The following B4GALNT3 variants were observed in gnomAD, a reference collection of about 807,000 sequenced individuals.
B4GALNT3 encodes beta-1,4-N-acetyl-galactosaminyltransferase 3.
In B4GALNT3, 86 loss-of-function variants were observed where a neutral mutation model predicts 120.2. The observed-to-expected ratio is 0.72, with a 90% CI of 0.60 to 0.86. The LOEUF (loss-of-function observed/expected upper bound fraction) is 0.86, where lower values mean the gene tolerates loss of function less well. Ranked by LOEUF, B4GALNT3 falls within the 40% of genes least tolerant of loss-of-function variation. The pLI, the probability that B4GALNT3 is intolerant of heterozygous loss-of-function variation, is 0.00. For synonymous variants in B4GALNT3, 518 were observed against 510.4 expected (o/e 1.01, Z -0.20); for missense variants, 1,167 against 1,298.9 (o/e 0.90, Z 1.56).
At chr12:522,515 G>T (rs1417644188) in intron 1 of B4GALNT3, among the ~76,000 whole-genome samples, 1 of 152,224 alleles carries the variant, frequency 6.6e-6, no homozygotes, top group Non-Finnish European at 1.5e-5. Context: ...CTGGGGGGAA[G>T]GGAAAGTGGC....
At chr12:502,258 C>T (rs768713542) in intron 1 of B4GALNT3, among the ~76,000 whole-genome samples, 6 of 152,200 alleles carry the variant, frequency 3.9e-5, no homozygotes, top group Non-Finnish European at 8.8e-5. Flanking sequence ...GTGTGGACCA[C>T]CTGTTGACAG....
Position 535,145 on chromosome 12 carries a change from T to C in B4GALNT3, c.170-21T>C, listed in dbSNP as rs756341239. On this transcript the variant is annotated intron_variant, in intron 1 of 19. Coordinates refer to ENST00000266383, the MANE Select transcript of B4GALNT3 (RefSeq NM_173593.4). The stretch of plus-strand genomic sequence containing the variant: ...TTCCAGGTTACGCTGACCTGAGGGC[T>C]CCTCTCTTCCCCTTCCACAGGGTAC... 1.9e-6 allele frequency: 3 copies of C among 1,599,412 alleles called. No homozygotes were observed. In the African/African-American group the frequency reaches 4.0e-5, roughly 21 times the overall value.
chr12:560,086 C>T (rs145987751), intron 19 of B4GALNT3, among the ~76,000 whole-genome samples: 59 of 152,216 alleles, frequency 3.9e-4, no homozygotes, highest in African/African-American at 1.0e-3. Context: ...GAGGCTGTTC[C>T]GTGTGAGGTT....
In B4GALNT3 at chr12:544,876, G is replaced by A; in HGVS notation, c.448-6G>A. On this transcript the variant is annotated splice_region_variant and splice_polypyrimidine_tract_variant and intron_variant, in intron 4 of 19. Transcript: ENST00000266383. ...GTAACTGTTTCCTTCCCCTTTCTTGGCATAGATTCGCACAACCCTGAGGAA... is the reference window on the plus strand; with the variant it reads ...GTAACTGTTTCCTTCCCCTTTCTTGACATAGATTCGCACAACCCTGAGGAA... 2.5e-6 allele frequency: 4 copies of A among 1,613,336 alleles called. No individual in the cohort carries two copies. The highest frequency in any genetic ancestry group is 3.4e-6 in the Non-Finnish European group (4 of 1,179,616).
At chr12:558,173 G>A in intron 17 of B4GALNT3, 85 bp downstream of exon 17, 10 of 1,441,624 alleles carry the variant, frequency 6.9e-6, no homozygotes, top group Non-Finnish European at 8.7e-6. Flanking sequence ...GAGGTGGTGA[G>A]CCCCTCAGGG....
At chr12:542,314 A>T (rs1402820454) in intron 3 of B4GALNT3, among the ~76,000 whole-genome samples, 1 of 151,870 alleles carries the variant, frequency 6.6e-6, no homozygotes, top group East Asian at 2.0e-4. Flanking sequence ...CACACCTGGG[A>T]CCTCGGGCAC....
intron 1 of B4GALNT3, among the ~76,000 whole-genome samples, chr12:474,967 A>AAAG (rs35931898): frequency 6.7e-6 from 1 of 148,642 alleles, no homozygotes; most frequent in Non-Finnish European, 1.5e-5. Context: ...AAAAAAAAAA[A>AAAG]GCCAAGTGTG....
intron 3 of B4GALNT3, among the ~76,000 whole-genome samples, chr12:542,204 C>T (rs1946926577): frequency 6.6e-6 from 1 of 152,284 alleles, no homozygotes; most frequent in African/African-American, 2.4e-5. Flanking sequence ...CCCATTAGCG[C>T]CACACTCTGC....
intron 1 of B4GALNT3, among the ~76,000 whole-genome samples, chr12:495,889 A>C (rs1179084148): frequency 6.6e-6 from 1 of 152,226 alleles, no homozygotes; most frequent in African/African-American, 2.4e-5. Flanking sequence ...ATCAATGTTC[A>C]TGAATGATAT....
At chr12:485,331 A>G (rs1010716416) in intron 1 of B4GALNT3, among the ~76,000 whole-genome samples, 1 of 152,148 alleles carries the variant, frequency 6.6e-6, no homozygotes, top group Admixed American at 6.5e-5. Context: ...GGAGGGAGAA[A>G]CCAGCTATGG....
chr12:552,421 C>G (rs1342229722), intron 12 of B4GALNT3, 46 bp from the exon 13 acceptor site: 5 of 1,576,458 alleles, frequency 3.2e-6, no homozygotes, highest in Non-Finnish European at 4.4e-6. Context: ...CAGGGCTGAG[C>G]CCGCCATGCA....
chr12:512,316 A>G (rs1283539000), intron 1 of B4GALNT3, among the ~76,000 whole-genome samples: 1 of 65,126 alleles, frequency 1.5e-5, no homozygotes, highest in Admixed American at 2.2e-4. Context: ...ACCTTCTTCC[A>G]CCTTCCACCT....
chr12:558,461 A>G (rs1344338083), intron 17 of B4GALNT3, 47 bp from the exon 18 acceptor site: 2 of 1,587,652 alleles, frequency 1.3e-6, no homozygotes, highest in Non-Finnish European at 1.7e-6. Context: ...CTGACCTCCT[A>G]GCTCTGGTCT....
rs940651479 is a variant in B4GALNT3, at chr12:543,033, C to G, written c.352-1306C>G. 5 of 1,135,208 alleles carry G rather than the reference C, an allele frequency of 4.4e-6. No homozygotes were observed. The African/African-American group carries it at 8.0e-5, about 18-fold the overall frequency. 70.3% of individuals were successfully genotyped at this position (1,135,208 alleles called of 1,614,324 possible). A position where few individuals can be genotyped will look rare whatever the true frequency, so the allele number is the denominator to read the frequency against. Reference sequence around the variant, plus strand: ...TTCCTGAAACCCCAGCCGGCTCCTCCTAGTTCCCTGTCCTCTCAGCTATTC... The same window carrying G: ...TTCCTGAAACCCCAGCCGGCTCCTCGTAGTTCCCTGTCCTCTCAGCTATTC... On this transcript the variant is annotated intron_variant, in intron 3 of 19. Transcript: ENST00000266383.
intron 1 of B4GALNT3, among the ~76,000 whole-genome samples, chr12:472,976 CTTTTTTT>C (rs71439341): frequency 9.7e-4 from 143 of 146,696 alleles, no homozygotes; most frequent in Admixed American, 1.1e-3. Context: ...TGTTCAAACA[CTTTTTTT>C]TTTTTTTTTT....
intron 1 of B4GALNT3, among the ~76,000 whole-genome samples, chr12:497,550 A>G (rs1592023355): frequency 6.6e-6 from 1 of 152,194 alleles, no homozygotes; most frequent in African/African-American, 2.4e-5. Flanking sequence ...ACCTTTGGCA[A>G]TTGTGAATAA....
At chr12:511,513 T>TC (rs1473382228) in intron 1 of B4GALNT3, among the ~76,000 whole-genome samples, 2 of 84,836 alleles carry the variant, frequency 2.4e-5, no homozygotes, top group Admixed American at 1.0e-4. Flanking sequence ...CCTTCCACCT[T>TC]CTTCCACCTT....
chr12:545,776 GTGGGGAGGTAAGAGGAA>G, intron 6 of B4GALNT3, among the ~76,000 whole-genome samples: 1 of 124,068 alleles, frequency 8.1e-6, no homozygotes, highest in African/African-American at 3.5e-5. Context: ...GGTGAGAGGA[GTGGGGAGGTAAGAGGAA>G]TGGGGAGGAG....
rs562371684 is a variant in B4GALNT3, at chr12:520,722, C to T, written c.170-14444C>T. Among the ~76,000 whole-genome samples, 40 of 92,568 alleles carry T rather than the reference C, an allele frequency of 4.3e-4. No homozygotes were observed. In the South Asian group the frequency reaches 0.011, roughly 26 times the overall value. 60.7% of individuals were successfully genotyped at this position (92,568 alleles called of 152,430 possible). On this transcript the variant is annotated intron_variant, in intron 1 of 19. Coordinates refer to ENST00000266383, the MANE Select transcript of B4GALNT3 (RefSeq NM_173593.4). ...AGGAGAATCTCTTGAACCTGGGAGG[C>T]GGAGGTTGCACTGAGCCGAGATCGT... is the stretch of plus-strand genomic sequence containing the variant.
Sources: allele counts gnomAD v4.1 joint callset (sites outside exome capture counted in the v4.1 genomes callset), GRCh38; gene constraint gnomAD v4.1.1; transcripts MANE v1.5; gene names NCBI Gene and HGNC (gene_info 2026-07-23, HGNC 2026-07-21).